SUPT3H: variants seen among roughly 807,000 people sequenced by gnomAD.
SUPT3H encodes the protein transcription initiation protein SPT3 homolog.
A neutral mutation model predicts 44.3 loss-of-function variants in SUPT3H; 44 were observed. The ratio of observed to expected loss-of-function variants is 0.99; its 90% CI spans 0.78 to 1.28. The LOEUF (loss-of-function observed/expected upper bound fraction) is 1.28, where lower values mean the gene tolerates loss of function less well. Ranked by LOEUF, SUPT3H falls within the 50% of genes most tolerant of loss-of-function variation. The pLI is 0.00. For synonymous variants in SUPT3H, 124 were observed against 125.6 expected (o/e 0.99, Z 0.09); for missense variants, 380 against 387.1 (o/e 0.98, Z 0.15).
chr6:44,954,130 A>C (rs571712519), intron 8 of SUPT3H, among the ~76,000 whole-genome samples: 1 of 152,330 alleles, frequency 6.6e-6, no homozygotes, highest in Admixed American at 6.5e-5. Flanking sequence ...GCGAGATTCC[A>C]GACCCAGAAT....
intron 2 of SUPT3H, among the ~76,000 whole-genome samples, chr6:45,256,134 G>A (rs1773352840): frequency 6.6e-6 from 1 of 152,128 alleles, no homozygotes; most frequent in African/African-American, 2.4e-5. Flanking sequence ...TTGCACCACT[G>A]CACTCCAGCC....
At chr6:45,368,165 T>C (rs1366490748) in intron 1 of SUPT3H, among the ~76,000 whole-genome samples, 1 of 152,316 alleles carries the variant, frequency 6.6e-6, no homozygotes, top group South Asian at 2.1e-4. Flanking sequence ...CAGCTTTCAA[T>C]TGAAAATGCA....
chr6:45,104,721 C>A (rs1185622077), intron 3 of SUPT3H, among the ~76,000 whole-genome samples: 2 of 151,746 alleles, frequency 1.3e-5, no homozygotes, highest in African/African-American at 2.4e-5. Flanking sequence ...AACAAATTAA[C>A]AAGAAATGTG....
intron 2 of SUPT3H, among the ~76,000 whole-genome samples, chr6:45,168,379 G>A (rs972084938): frequency 1.3e-5 from 2 of 152,068 alleles, no homozygotes; most frequent in Non-Finnish European, 2.9e-5. Flanking sequence ...ATCCAAAAAT[G>A]CAAAACCCAA....
intron 2 of SUPT3H, among the ~76,000 whole-genome samples, chr6:45,267,741 G>C (rs1676883671): frequency 6.6e-6 from 1 of 152,126 alleles, no homozygotes; most frequent in Non-Finnish European, 1.5e-5. Context: ...AAATGTGCCA[G>C]TTAAGAGCCT....
intron 2 of SUPT3H, among the ~76,000 whole-genome samples, chr6:45,326,334 C>G (rs192494128): frequency 3.3e-5 from 5 of 151,842 alleles, no homozygotes; most frequent in Admixed American, 3.3e-4. Flanking sequence ...CACATGAAAC[C>G]ATGTTTGGAA....
chr6:45,110,229 A>T (rs1437755836), intron 2 of SUPT3H, among the ~76,000 whole-genome samples: 1 of 152,202 alleles, frequency 6.6e-6, no homozygotes, highest in Non-Finnish European at 1.5e-5. Flanking sequence ...ACTTCAACCT[A>T]GGGCAACTGA....
intron 2 of SUPT3H, among the ~76,000 whole-genome samples, chr6:45,343,925 C>T (rs1472820945): frequency 6.6e-6 from 1 of 152,204 alleles, no homozygotes; most frequent in Admixed American, 6.5e-5. Context: ...TACAGGCTTT[C>T]ATTTTATAAC....
chr6:45,054,258 A>G (rs889052034), intron 3 of SUPT3H, among the ~76,000 whole-genome samples: 1 of 152,092 alleles, frequency 6.6e-6, no homozygotes, highest in Non-Finnish European at 1.5e-5. Context: ...AGCAGGCCAC[A>G]AAAGAATTCT....
chr6:44,868,151 G>A (rs139020084), intron 10 of SUPT3H, among the ~76,000 whole-genome samples: 2 of 152,188 alleles, frequency 1.3e-5, no homozygotes, highest in African/African-American at 4.8e-5. Flanking sequence ...TGTAGGTTTC[G>A]GATTCATTTA....
chr6:45,283,961 C>T (rs764326369), intron 2 of SUPT3H, among the ~76,000 whole-genome samples: 11 of 151,996 alleles, frequency 7.2e-5, no homozygotes, highest in Non-Finnish European at 1.6e-4. Flanking sequence ...TACATGTAAA[C>T]GGAACAACCT....
intron 2 of SUPT3H, among the ~76,000 whole-genome samples, chr6:45,219,740 T>G (rs538819351): frequency 6.6e-6 from 1 of 152,188 alleles, no homozygotes; most frequent in Admixed American, 6.5e-5. Flanking sequence ...AGAATTCAAG[T>G]AAACTTTTAA....
In SUPT3H at chr6:45,191,194, A is replaced by C. The variant is rs115605289; in HGVS notation, c.102-85188T>G. On this transcript the variant is annotated intron_variant, in intron 2 of 10. Transcript: ENST00000371459. ...ATGTCCTTCAATAGGCAAATGGATAAACTGTGGTATATCCATATAATGAAA... is the reference window on the plus strand; with the variant it reads ...ATGTCCTTCAATAGGCAAATGGATACACTGTGGTATATCCATATAATGAAA... 2.6e-3 allele frequency among the ~76,000 whole-genome samples: 391 copies of C among 152,216 alleles called. 3 individuals are homozygous for C. Among genetic ancestry groups the C allele is most frequent in the African/African-American group, 8.6e-3 (357 of 41,568 alleles).
intron 3 of SUPT3H, among the ~76,000 whole-genome samples, chr6:45,094,264 C>T (rs1415545087): frequency 6.6e-6 from 1 of 151,992 alleles, no homozygotes; most frequent in Non-Finnish European, 1.5e-5. Flanking sequence ...GGATAGGAGT[C>T]TAGCAGACCA....
At chr6:45,080,413 T>C (rs1795634231) in intron 3 of SUPT3H, among the ~76,000 whole-genome samples, 1 of 152,020 alleles carries the variant, frequency 6.6e-6, no homozygotes, top group Non-Finnish European at 1.5e-5. Context: ...AGAGCTACCA[T>C]ATGATCCAGA....
intron 2 of SUPT3H, among the ~76,000 whole-genome samples, chr6:45,313,307 GAAAC>G (rs201535993): frequency 0.018 from 2,660 of 151,852 alleles, 49 homozygotes; most frequent in South Asian, 0.085. Context: ...AAACAAAATT[GAAAC>G]AAACAAACAA....
At chr6:44,833,994 T>G (rs1047408648) in intron 10 of SUPT3H, among the ~76,000 whole-genome samples, 7 of 152,194 alleles carry the variant, frequency 4.6e-5, no homozygotes, top group Non-Finnish European at 1.0e-4. Context: ...CTGCTTATTT[T>G]CCAAACTAAC....
chr6:45,186,062 C>A (rs902381910), intron 2 of SUPT3H, among the ~76,000 whole-genome samples: 1 of 152,162 alleles, frequency 6.6e-6, no homozygotes, highest in African/African-American at 2.4e-5. Flanking sequence ...AGACCACTTT[C>A]GCAAGAAGGC....
chr6:44,976,261 A>G (rs1206153471), intron 6 of SUPT3H, among the ~76,000 whole-genome samples: 3 of 152,250 alleles, frequency 2.0e-5, no homozygotes, highest in Non-Finnish European at 4.4e-5. Flanking sequence ...AGATACAAGA[A>G]TAATCATAAC....
Sources: allele counts gnomAD v4.1 joint callset (sites outside exome capture counted in the v4.1 genomes callset), GRCh38; gene constraint gnomAD v4.1.1; transcripts MANE v1.5; gene names NCBI Gene and HGNC (gene_info 2026-07-23, HGNC 2026-07-21).